ZBTB20: variants seen among roughly 807,000 people sequenced by gnomAD.
ZBTB20 encodes the protein zinc finger and BTB domain-containing protein 20.
Under a neutral mutation model 56.9 loss-of-function variants are expected in ZBTB20, and 9 were observed. The ratio of observed to expected loss-of-function variants is 0.16; its 90% CI spans 0.10 to 0.28. The LOEUF is 0.28. Ranked by LOEUF, ZBTB20 falls within the 10% of genes least tolerant of loss-of-function variation. The pLI, the probability that ZBTB20 is intolerant of heterozygous loss-of-function variation, is 1.00. For missense variants in ZBTB20, 655 were observed against 1,003.0 expected (o/e 0.65, Z 4.69); for synonymous variants, 417 against 420.7 (o/e 0.99, Z 0.11).
intron 6 of ZBTB20, among the ~76,000 whole-genome samples, chr3:114,552,633 T>C (rs1399189468): frequency 6.6e-5 from 10 of 152,220 alleles, no homozygotes; most frequent in Admixed American, 6.5e-4. Context: ...GTTCACTCCA[T>C]GGTTATGAGC....
intron 5 of ZBTB20, among the ~76,000 whole-genome samples, chr3:114,736,264 T>A (rs1052434219): frequency 1.3e-5 from 2 of 152,214 alleles, no homozygotes; most frequent in Admixed American, 1.3e-4. Flanking sequence ...GATGAATGAA[T>A]GTTGCTTAGC....
At chr3:115,123,220 A>C (rs1354780696) in intron 1 of ZBTB20, among the ~76,000 whole-genome samples, 2 of 152,166 alleles carry the variant, frequency 1.3e-5, no homozygotes, top group Non-Finnish European at 2.9e-5. Flanking sequence ...CTTTGCCATT[A>C]TCTCTTAATA....
chr3:114,336,223 A>G lies in ZBTB20; in HGVS notation c.*2782T>C, dbSNP rs1471867754. 1 of 152,174 alleles carries G rather than the reference A, an allele frequency of 6.6e-6. No individual in the cohort carries two copies. Among genetic ancestry groups the G allele is most frequent in the African/African-American group, 2.4e-5 (1 of 41,448 alleles). 9.4% of individuals were successfully genotyped at this position (152,174 alleles called of 1,614,324 possible). ...TTTAAGAGTTTTTTTCTTAAGGTCA[A>G]TCTTCTCTTTTCATTTTATGGGTGG... On this transcript the variant is annotated 3_prime_UTR_variant, in exon 12 of 12. Coordinates refer to ENST00000675478, the MANE Select transcript of ZBTB20 (RefSeq NM_001348800.3).
chr3:114,571,072 A>G lies in ZBTB20; in HGVS notation c.-294-70681T>C, dbSNP rs564046837. Among the ~76,000 whole-genome samples the G allele has an allele frequency of 4.6e-5, 7 of 152,284 alleles. No individual in the cohort carries two copies. In the East Asian group the frequency reaches 1.3e-3, roughly 29 times the overall value. Reference sequence around the variant, plus strand: ...TTGAACTTTGTAAAAATGTAATACTAAGGAAATTAAAAAAAGAAAGAAAAT... The same window carrying G: ...TTGAACTTTGTAAAAATGTAATACTGAGGAAATTAAAAAAAGAAAGAAAAT... On this transcript the variant is annotated intron_variant, in intron 6 of 11. Coordinates refer to ENST00000675478, the MANE Select transcript of ZBTB20 (RefSeq NM_001348800.3).
intron 5 of ZBTB20, chr3:114,759,389 ACATCT>A (rs1414590373): frequency 7.9e-5 from 12 of 152,138 alleles, no homozygotes; most frequent in African/African-American, 2.7e-4. Flanking sequence ...AATATAGAGG[ACATCT>A]CAGTTGAATT....
intron 7 of ZBTB20, among the ~76,000 whole-genome samples, chr3:114,449,062 TG>T: frequency 6.6e-6 from 1 of 152,292 alleles, no homozygotes; most frequent in Non-Finnish European, 1.5e-5. Flanking sequence ...AGTATTAACC[TG>T]GCAGGTTTCT....
chr3:114,995,752 C>A (rs2079000800), intron 2 of ZBTB20, among the ~76,000 whole-genome samples: 1 of 151,722 alleles, frequency 6.6e-6, no homozygotes, highest in Non-Finnish European at 1.5e-5. Context: ...TGGTCTATTG[C>A]AAGAAATATA....
chr3:114,359,805 C>A (rs1208352127), intron 10 of ZBTB20, among the ~76,000 whole-genome samples: 8 of 152,114 alleles, frequency 5.3e-5, no homozygotes, highest in Non-Finnish European at 1.2e-4. Flanking sequence ...TAAGTTAGGT[C>A]TTTTGTTTTG....
At position 114,350,732 on chromosome 3, in the gene ZBTB20, C is replaced by T; in HGVS notation, c.1346G>A (p.Ser449Asn). The T allele has an allele frequency of 6.2e-7, 1 of 1,614,226 alleles. No homozygotes were observed. Among genetic ancestry groups the T allele is most frequent in the Non-Finnish European group, 8.5e-7 (1 of 1,180,026 alleles). ...VEMDSTVITV[S>N]NSSDKSVLQQ... ...TAGGACGCTCTTGTCGGAGCTGTTG[C>T]TGACAGTGATAACAGTGCTGTCCAT... Residue 449 changes from serine (S) to asparagine (N), a missense_variant, in exon 11 of 12, where the codon AGC becomes AAC. Coordinates refer to ENST00000675478, the MANE Select transcript of ZBTB20 (RefSeq NM_001348800.3).
chr3:115,011,395 C>T (rs2079703320), intron 2 of ZBTB20, among the ~76,000 whole-genome samples: 1 of 151,732 alleles, frequency 6.6e-6, no homozygotes, highest in Admixed American at 6.6e-5. Flanking sequence ...AAAAAGGATC[C>T]TAAAAGCACC....
At chr3:114,569,008 G>A (rs1344878668) in intron 6 of ZBTB20, among the ~76,000 whole-genome samples, 2 of 152,080 alleles carry the variant, frequency 1.3e-5, no homozygotes, top group South Asian at 2.1e-4. Context: ...AGAGCTCTTC[G>A]TTTACATTTT....
intron 6 of ZBTB20, among the ~76,000 whole-genome samples, chr3:114,586,434 C>T (rs952466664): frequency 3.3e-5 from 5 of 152,194 alleles, no homozygotes; most frequent in African/African-American, 1.2e-4. Context: ...CATAAACTCA[C>T]TTGTAACAAG....
At chr3:114,520,532 G>A (rs187237281) in intron 6 of ZBTB20, among the ~76,000 whole-genome samples, 2 of 152,240 alleles carry the variant, frequency 1.3e-5, no homozygotes, top group East Asian at 3.9e-4. Context: ...ATGAGTGGGA[G>A]TGGATTTAAG....
chr3:114,751,715 A>C (rs976627814), intron 5 of ZBTB20, among the ~76,000 whole-genome samples: 9 of 152,170 alleles, frequency 5.9e-5, no homozygotes, highest in African/African-American at 2.2e-4. Flanking sequence ...AATTGTTGCA[A>C]CAAAATATGT....
chr3:115,009,903 C>A (rs1438368505), intron 2 of ZBTB20, among the ~76,000 whole-genome samples: 2 of 151,848 alleles, frequency 1.3e-5, no homozygotes, highest in Non-Finnish European at 2.9e-5. Flanking sequence ...TATACATTAC[C>A]CAGTCTGTGG....
chr3:115,098,463 G>A (rs866774981), intron 1 of ZBTB20, among the ~76,000 whole-genome samples: 19 of 152,066 alleles, frequency 1.2e-4, no homozygotes, highest in Middle Eastern at 6.8e-3. Flanking sequence ...CAAAATTATC[G>A]TGTACCATAT....
chr3:114,632,449 T>C (rs2059010552), intron 6 of ZBTB20, among the ~76,000 whole-genome samples: 1 of 152,148 alleles, frequency 6.6e-6, no homozygotes, highest in South Asian at 2.1e-4. Flanking sequence ...GTCCATTTTA[T>C]TTTAGTTTGC....
chr3:115,037,237 T>G (rs1040996327), intron 2 of ZBTB20, among the ~76,000 whole-genome samples: 4 of 151,972 alleles, frequency 2.6e-5, no homozygotes, highest in African/African-American at 7.3e-5. Context: ...CACAGTAAGG[T>G]GTTAAACCCA....
At chr3:115,083,488 C>T (rs1010934290) in intron 1 of ZBTB20, among the ~76,000 whole-genome samples, 1 of 151,948 alleles carries the variant, frequency 6.6e-6, no homozygotes, top group Non-Finnish European at 1.5e-5. Context: ...CATTGGATTA[C>T]AATACCTATG....
Sources: allele counts gnomAD v4.1 joint callset (sites outside exome capture counted in the v4.1 genomes callset), GRCh38; gene constraint gnomAD v4.1.1; transcripts MANE v1.5; gene names NCBI Gene and HGNC (gene_info 2026-07-23, HGNC 2026-07-21).